The following PACRG variants were observed in gnomAD, a reference collection of about 807,000 sequenced individuals.
PACRG encodes the protein parkin coregulated gene protein.
Under a neutral mutation model 29.7 loss-of-function variants are expected in PACRG, and 29 were observed. The ratio of observed to expected loss-of-function variants is 0.98; its 90% CI spans 0.73 to 1.33. The LOEUF is 1.33. Ranked by LOEUF, PACRG falls within the 40% of genes most tolerant of loss-of-function variation. The pLI, the probability that PACRG is intolerant of heterozygous loss-of-function variation, is 0.00. For synonymous variants in PACRG, 116 were observed against 118.7 expected, an observed-to-expected ratio of 0.98 and a Z score of 0.15; for missense variants, 279 against 316.2, an observed-to-expected ratio of 0.88 and a Z score of 0.89.
rs147699759 is a variant in PACRG, at chr6:162,995,816, A to G, written c.292-66334A>G. On this transcript the variant is annotated intron_variant, in intron 2 of 4. Coordinates refer to ENST00000366888, the MANE Select transcript of PACRG (RefSeq NM_001080379.2). ...ATATCCTGTTGTGTGTATATACTAC[A>G]TATTCTTTACCCATCCATTTGTTGA... Among the ~76,000 whole-genome samples the G allele has an allele frequency of 5.3e-3, 806 of 152,342 alleles. 12 individuals carry two copies. The highest frequency in any genetic ancestry group is 0.018 in the African/African-American group (751 of 41,570).
chr6:162,854,528 C>CATT (rs772805439), intron 2 of PACRG, among the ~76,000 whole-genome samples: 3 of 152,144 alleles, frequency 2.0e-5, no homozygotes, highest in African/African-American at 4.8e-5. Context: ...ACAGATCCTA[C>CATT]ATTATTATTA....
At chr6:162,884,081 G>T (rs1371505545) in intron 2 of PACRG, among the ~76,000 whole-genome samples, 1 of 152,046 alleles carries the variant, frequency 6.6e-6, no homozygotes, top group Admixed American at 6.6e-5. Flanking sequence ...CCCCCAAGTA[G>T]CTGAGACTAC....
Position 163,101,014 on chromosome 6 carries a change from T to A in PACRG, c.613+11606T>A, listed in dbSNP as rs1413477576. The A allele has an allele frequency of 4.1e-6, 4 of 983,572 alleles. No homozygotes were observed. The East Asian group carries it at 4.5e-4, about 112-fold the overall frequency. 60.9% of individuals were successfully genotyped at this position (983,572 alleles called of 1,614,324 possible). A position where few individuals can be genotyped will look rare whatever the true frequency, so the allele number is the denominator to read the frequency against. On this transcript the variant is annotated intron_variant, in intron 4 of 4. Coordinates refer to ENST00000366888, the MANE Select transcript of PACRG (RefSeq NM_001080379.2). The stretch of plus-strand genomic sequence containing the variant: ...AAGATCAATTTACTTTTTTTGCTCT[T>A]AAGTACAGTACTTTAATATGAGCTT...
intron 2 of PACRG, among the ~76,000 whole-genome samples, chr6:162,841,780 A>T (rs1789797476): frequency 6.6e-6 from 1 of 151,780 alleles, no homozygotes; most frequent in African/African-American, 2.4e-5. Flanking sequence ...CATCCCAGAG[A>T]TTCTGGTATG....
At position 162,817,073 on chromosome 6, in the gene PACRG, C is replaced by A. The variant is rs73603847; in HGVS notation, c.291+2792C>A. On this transcript the variant is annotated intron_variant, in intron 2 of 4. Transcript: ENST00000366888. ...ATGATGCACATAACTAAGTGAGAAGCAGGTCTGTTGCTTTTATCAGTGTTT... is the reference window on the plus strand; with the variant it reads ...ATGATGCACATAACTAAGTGAGAAGAAGGTCTGTTGCTTTTATCAGTGTTT... Among the ~76,000 whole-genome samples, 928 of 152,298 alleles carry A rather than the reference C, an allele frequency of 6.1e-3. 14 individuals carry two copies. Among genetic ancestry groups the A allele is most frequent in the African/African-American group, 0.021 (891 of 41,572 alleles).
intron 2 of PACRG, among the ~76,000 whole-genome samples, chr6:162,977,198 G>C (rs1310679701): frequency 6.6e-6 from 1 of 151,730 alleles, no homozygotes; most frequent in Non-Finnish European, 1.5e-5. Context: ...GTAAACATTT[G>C]ATAAATAATA....
intron 4 of PACRG, among the ~76,000 whole-genome samples, chr6:163,161,577 G>T (rs114609716): frequency 6.6e-6 from 1 of 152,150 alleles, no homozygotes; most frequent in Non-Finnish European, 1.5e-5. Context: ...TTTTGTACAC[G>T]TGCGTATATT....
intron 2 of PACRG, among the ~76,000 whole-genome samples, chr6:163,029,794 G>T (rs1359548454): frequency 3.3e-5 from 5 of 152,164 alleles, no homozygotes. Flanking sequence ...TGATGCCATT[G>T]CTGAACCACT....
chr6:163,210,220 C>T (rs557252819), intron 4 of PACRG, among the ~76,000 whole-genome samples: 1 of 152,330 alleles, frequency 6.6e-6, no homozygotes, highest in East Asian at 1.9e-4. Flanking sequence ...ACTTTCTGCT[C>T]TTTAATGGAC....
intron 4 of PACRG, among the ~76,000 whole-genome samples, chr6:163,122,479 G>A (rs2128325387): frequency 6.6e-6 from 1 of 152,298 alleles, no homozygotes; most frequent in African/African-American, 2.4e-5. Context: ...CCTGCCCATG[G>A]TAATGGGTGA....
chr6:162,876,154 A>C (rs1793331078), intron 2 of PACRG, among the ~76,000 whole-genome samples: 1 of 152,156 alleles, frequency 6.6e-6, no homozygotes, highest in Non-Finnish European at 1.5e-5. Context: ...GGTCACCATC[A>C]TAGGGGGTTC....
At chr6:163,163,460 C>A (rs1778651985) in intron 4 of PACRG, among the ~76,000 whole-genome samples, 2 of 152,114 alleles carry the variant, frequency 1.3e-5, no homozygotes, top group Admixed American at 1.3e-4. Context: ...TTAGTAGAGG[C>A]AGGGTTTTGC....
intron 2 of PACRG, among the ~76,000 whole-genome samples, chr6:162,836,838 A>G (rs755388215): frequency 6.6e-6 from 1 of 152,124 alleles, no homozygotes; most frequent in Non-Finnish European, 1.5e-5. Context: ...TCTGTCTTCA[A>G]GTATAAAACT....
chr6:163,237,402 T>C (rs1269561689), intron 4 of PACRG, among the ~76,000 whole-genome samples: 1 of 152,220 alleles, frequency 6.6e-6, no homozygotes, highest in Non-Finnish European at 1.5e-5. Flanking sequence ...TCTTAGCAAG[T>C]ATTTTTTATA....
chr6:162,947,358 T>TC lies in PACRG; in HGVS notation c.292-114792_292-114791insC, dbSNP rs1562765737. Among the ~76,000 whole-genome samples, 2 of 56,022 alleles carry TC rather than the reference T, an allele frequency of 3.6e-5. 1 individual carries two copies. The highest frequency in any genetic ancestry group is 1.4e-4 in the African/African-American group (2 of 13,978). 36.8% of individuals were successfully genotyped at this position (56,022 alleles called of 152,430 possible). ...CATATATATAATGATTACATATATA[T>TC]AATGTAATCATATATAATCATATAT... On this transcript the variant is annotated intron_variant, in intron 2 of 4. Coordinates refer to ENST00000366888, the MANE Select transcript of PACRG (RefSeq NM_001080379.2).
At chr6:162,914,745 A>T (rs1390322323) in intron 2 of PACRG, among the ~76,000 whole-genome samples, 1 of 151,726 alleles carries the variant, frequency 6.6e-6, no homozygotes, top group Non-Finnish European at 1.5e-5. Context: ...ATGTTTTGTA[A>T]TTTTTTAGTG....
rs1300145358 is a variant in PACRG at position 163,252,707 on chromosome 6, C to G, written c.614-62120C>G. Among the ~76,000 whole-genome samples, 5 of 152,332 alleles carry G rather than the reference C, an allele frequency of 3.3e-5. No individual in the cohort carries two copies. The South Asian group carries it at 8.3e-4, about 25-fold the overall frequency. On this transcript the variant is annotated intron_variant, in intron 4 of 4. Transcript: ENST00000366888. ...CACCAGTGTTTTCCTCACACATTCA[C>G]AAAGACGCTTTTAACCTGTTGGCAA...
At chr6:163,131,265 G>A (rs1004103167) in intron 4 of PACRG, among the ~76,000 whole-genome samples, 3 of 4,300 alleles carry the variant, frequency 7.0e-4, no homozygotes, top group African/African-American at 1.5e-3. Context: ...CCCAGATCAC[G>A]CCACTGCACT....
At chr6:163,218,151 A>G (rs190241522) in intron 4 of PACRG, among the ~76,000 whole-genome samples, 10 of 152,240 alleles carry the variant, frequency 6.6e-5, no homozygotes, top group Non-Finnish European at 4.4e-5. Context: ...GAAAACAGAA[A>G]CTATCACATG....
Sources: allele counts gnomAD v4.1 joint callset (sites outside exome capture counted in the v4.1 genomes callset), GRCh38; gene constraint gnomAD v4.1.1; transcripts MANE v1.5; gene names NCBI Gene and HGNC (gene_info 2026-07-23, HGNC 2026-07-21).